ERCC6L2: variants seen among roughly 807,000 people sequenced by gnomAD.
The protein encoded by ERCC6L2 is ERCC excision repair 6 like 2.
A neutral mutation model predicts 132.0 loss-of-function variants in ERCC6L2; 77 were observed. That is an observed-to-expected ratio of 0.58 (90% CI 0.49 to 0.71). ERCC6L2 has a LOEUF of 0.71. Ranked by LOEUF, ERCC6L2 falls within the 30% of genes least tolerant of loss-of-function variation. The probability of loss-of-function intolerance (pLI) is 0.00; values close to 1 mark genes in which losing one functional copy is unlikely to be tolerated. For missense variants in ERCC6L2, 1,542 were observed against 1,837.6 expected (o/e 0.84, Z 2.94); for synonymous variants, 583 against 632.4 (o/e 0.92, Z 1.17).
intron 3 of ERCC6L2, among the ~76,000 whole-genome samples, chr9:95,904,115 T>G (rs1195617377): frequency 1.3e-5 from 2 of 151,990 alleles, no homozygotes; most frequent in Non-Finnish European, 2.9e-5. Flanking sequence ...GTTAGGTATT[T>G]TTGAGAGAGT....
intron 11 of ERCC6L2, among the ~76,000 whole-genome samples, chr9:95,931,345 T>C (rs1307760376): frequency 6.6e-6 from 1 of 152,198 alleles, no homozygotes; most frequent in Admixed American, 6.5e-5. Flanking sequence ...TATTCCTTAG[T>C]TTCAATCTGG....
intron 19 of ERCC6L2, among the ~76,000 whole-genome samples, chr9:96,031,874 C>T (rs1456908192): frequency 6.6e-5 from 10 of 152,164 alleles, no homozygotes; most frequent in Admixed American, 3.3e-4. Flanking sequence ...CCTGAGTGGC[C>T]GTCCTGAGTC....
rs948242822 is a variant in ERCC6L2, at chr9:96,015,758, G to T, written c.*2555G>T. Among the ~76,000 whole-genome samples the T allele has an allele frequency of 6.6e-6, 1 of 152,124 alleles. No homozygotes were observed. Among genetic ancestry groups the T allele is most frequent in the Non-Finnish European group, 1.5e-5 (1 of 68,026 alleles). On this transcript the variant is annotated 3_prime_UTR_variant, in exon 19 of 19. Coordinates refer to ENST00000653738, the MANE Select transcript of ERCC6L2 (RefSeq NM_020207.7). ...GCAGAGCTTGCAGTGAGCCAGGATT[G>T]TGCCCCTGCACCCCAGCCTGGGTGA...
intron 2 of ERCC6L2, among the ~76,000 whole-genome samples, chr9:95,892,554 C>T (rs1226108439): frequency 2.0e-5 from 3 of 151,378 alleles, no homozygotes; most frequent in African/African-American, 4.9e-5. Flanking sequence ...TCCCAAGTAG[C>T]TGGGATTATA....
chr9:95,971,167 A>ATTGTTGCT (rs1447324281), intron 15 of ERCC6L2, among the ~76,000 whole-genome samples: 1 of 151,944 alleles, frequency 6.6e-6, no homozygotes, highest in African/African-American at 2.4e-5. Context: ...TTTTTTTGTT[A>ATTGTTGCT]TTGTTGCTGG....
chr9:95,911,702 T>A (rs1385864183), intron 4 of ERCC6L2, among the ~76,000 whole-genome samples: 1 of 152,200 alleles, frequency 6.6e-6, no homozygotes, highest in East Asian at 1.9e-4. Flanking sequence ...ATGAACGTGC[T>A]ATGAACTGAA....
intron 17 of ERCC6L2, among the ~76,000 whole-genome samples, chr9:95,998,484 G>A (rs1267690646): frequency 6.6e-6 from 1 of 152,188 alleles, no homozygotes; most frequent in African/African-American, 2.4e-5. Context: ...CACTTTGCTC[G>A]TGGATTATCT....
At chr9:95,920,589 A>C (rs1181274182) in intron 6 of ERCC6L2, among the ~76,000 whole-genome samples, 5 of 152,176 alleles carry the variant, frequency 3.3e-5, no homozygotes, top group Admixed American at 3.3e-4. Flanking sequence ...TCAAGAGTCA[A>C]CTGTGTAAGG....
At chr9:96,025,852 T>C (rs943909327) in intron 19 of ERCC6L2, 2 of 152,200 alleles carry the variant, frequency 1.3e-5, no homozygotes, top group Non-Finnish European at 2.9e-5. Flanking sequence ...GATGGAGAAG[T>C]GGAGGATTTG....
chr9:95,887,871 A>T (rs892680897), intron 2 of ERCC6L2, among the ~76,000 whole-genome samples: 14 of 152,192 alleles, frequency 9.2e-5, no homozygotes, highest in South Asian at 2.1e-4. Context: ...ATTTTCATTC[A>T]TTGAGAAAAT....
Position 96,017,768 on chromosome 9 carries a change from C to A in ERCC6L2, c.*4565C>A, listed in dbSNP as rs563791449. ...CACTGTGTGCTTTTTGTTGTTGTTA[C>A]ATTCCTATAAAAATGTCCACGCATA... On this transcript the variant is annotated 3_prime_UTR_variant, in exon 19 of 19. Coordinates refer to ENST00000653738, the MANE Select transcript of ERCC6L2 (RefSeq NM_020207.7). Among the ~76,000 whole-genome samples, 2 of 152,340 alleles carry A rather than the reference C, an allele frequency of 1.3e-5. No individual in the cohort carries two copies. The highest frequency in any genetic ancestry group is 4.8e-5 in the African/African-American group (2 of 41,572).
intron 17 of ERCC6L2, among the ~76,000 whole-genome samples, chr9:96,000,740 TTACC>T (rs759098643): frequency 1.4e-4 from 21 of 152,146 alleles, no homozygotes; most frequent in Non-Finnish European, 2.9e-4. Flanking sequence ...TCTTGCAGCA[TTACC>T]TATGCCAATC....
chr9:95,946,382 G>C (rs1831065006), intron 12 of ERCC6L2, among the ~76,000 whole-genome samples: 1 of 152,048 alleles, frequency 6.6e-6, no homozygotes, highest in Non-Finnish European at 1.5e-5. Context: ...TCAAAAATTA[G>C]CCAAGCGTGA....
chr9:95,928,432 T>TA (rs1271022568), intron 10 of ERCC6L2, among the ~76,000 whole-genome samples: 1 of 152,202 alleles, frequency 6.6e-6, no homozygotes, highest in Non-Finnish European at 1.5e-5. Flanking sequence ...ACTTAAAAAA[T>TA]AGCATGCATA....
intron 19 of ERCC6L2, among the ~76,000 whole-genome samples, chr9:96,036,567 G>A (rs1222295433): frequency 6.6e-6 from 1 of 152,022 alleles, no homozygotes; most frequent in Non-Finnish European, 1.5e-5. Flanking sequence ...GGGAAGTCTA[G>A]TTTTCATTTC....
chr9:96,031,773 TC>T (rs1258514374), intron 19 of ERCC6L2, among the ~76,000 whole-genome samples: 4 of 152,238 alleles, frequency 2.6e-5, no homozygotes, highest in African/African-American at 9.6e-5. Flanking sequence ...TAGTTCAGCT[TC>T]CCAGGAACAC....
At chr9:95,987,551 T>C (rs115434095) in intron 17 of ERCC6L2, among the ~76,000 whole-genome samples, 2,710 of 152,284 alleles carry the variant, frequency 0.018, 87 homozygotes, top group African/African-American at 0.061. Flanking sequence ...GTCAAACTGA[T>C]ACAAGAGGTG....
In ERCC6L2 at chr9:95,916,726, A is replaced by G. The variant is rs529184643; in HGVS notation, c.1158+292A>G. ...GAGACAGAGTCGGGCTCTGTCACCCAGGCTGGAGTGCAGTGGCGCGATCTT... is the reference window on the plus strand; with the variant it reads ...GAGACAGAGTCGGGCTCTGTCACCCGGGCTGGAGTGCAGTGGCGCGATCTT... On this transcript the variant is annotated intron_variant, in intron 6 of 18. Coordinates refer to ENST00000653738, the MANE Select transcript of ERCC6L2 (RefSeq NM_020207.7). 1.5e-3 allele frequency among the ~76,000 whole-genome samples: 213 copies of G among 145,070 alleles called. 1 individual carries two copies. Among genetic ancestry groups the G allele is most frequent in the Non-Finnish European group, 2.4e-3 (162 of 66,864 alleles).
intron 17 of ERCC6L2, among the ~76,000 whole-genome samples, chr9:96,001,355 G>A (rs1303182610): frequency 2.0e-5 from 3 of 152,120 alleles, no homozygotes; most frequent in Non-Finnish European, 4.4e-5. Flanking sequence ...GGCCTGTTTT[G>A]TCAGGGCGCT....
Sources: allele counts gnomAD v4.1 joint callset (sites outside exome capture counted in the v4.1 genomes callset), GRCh38; gene constraint gnomAD v4.1.1; transcripts MANE v1.5; gene names NCBI Gene and HGNC (gene_info 2026-07-23, HGNC 2026-07-21).